Variants in MX2 observed in about 807,000 individuals in gnomAD.
The protein encoded by MX2 is interferon-induced GTP-binding protein Mx2.
In MX2, 51 loss-of-function variants were observed where a neutral mutation model predicts 74.0. The observed-to-expected ratio is 0.69, with a 90% CI of 0.55 to 0.87. The LOEUF is 0.87. Among genes scored for constraint, MX2 ranks in the 40% least tolerant of loss-of-function variants. The pLI, the probability that MX2 is intolerant of heterozygous loss-of-function variation, is 0.00. For missense variants in MX2, 832 were observed against 908.7 expected (o/e 0.92, Z 1.09); for synonymous variants, 369 against 339.3 (o/e 1.09, Z -0.96).
chr21:41,398,821 C>T (rs567576007), intron 8 of MX2, 76 bp from the exon 9 acceptor site: 1 of 1,560,470 alleles, frequency 6.4e-7, no homozygotes, highest in South Asian at 1.2e-5. Context: ...TTAAAGGGCT[C>T]CTACTCATAT....
At chr21:41,407,916 T>A in intron 13 of MX2, 75 bp from the exon 14 acceptor site, 1 of 1,581,742 alleles carries the variant, frequency 6.3e-7, no homozygotes, top group South Asian at 1.2e-5. Flanking sequence ...ATCCAGGAAC[T>A]CCATGCCTTC....
intron 10 of MX2, chr21:41,400,802 G>A (rs2089801675): frequency 6.6e-6 from 1 of 152,236 alleles, no homozygotes; most frequent in Non-Finnish European, 1.5e-5. Context: ...AGCCTCCCAG[G>A]TTCAAGCAAT....
chr21:41,376,980 A>G lies in MX2; in HGVS notation c.74A>G (p.Glu25Gly). ...QFSSRKYLKKEMNSFQQQPPP... is the reference protein window; with the variant it reads ...QFSSRKYLKKGMNSFQQQPPP... ...TCTTCTCGAAAATACCTGAAAAAAG[A>G]AATGAATTCCTTCCAGCAACAGCCA... Residue 25 changes from glutamate to glycine, a missense_variant, in exon 2 of 14, where the codon GAA (glutamate) becomes GGA (glycine). By Grantham distance (98) the Glu-to-Gly change is moderately conservative. Coordinates refer to ENST00000330714, the MANE Select transcript of MX2 (RefSeq NM_002463.2). 1.2e-6 allele frequency: 2 copies of G among 1,614,158 alleles called. No homozygotes were observed. The highest frequency in any genetic ancestry group is 1.7e-6 in the Non-Finnish European group (2 of 1,180,038).
rs2089427718 is a variant in MX2 at position 41,377,842 on chromosome 21, T to C, written c.303T>C (p.Ile101=). ...SQYEQKVRPC[I]DLIDSLRALG... The stretch of plus-strand genomic sequence containing the variant: ...ACGAGCAGAAGGTGCGCCCCTGCAT[T>C]GACCTCATCGACTCCCTGCGGGCTC... Residue 101 remains isoleucine, a synonymous_variant, in exon 3 of 14, where the codon ATT becomes ATC. Coordinates refer to ENST00000330714, the MANE Select transcript of MX2 (RefSeq NM_002463.2). 1.9e-6 allele frequency: 3 copies of C among 1,614,076 alleles called. No individual in the cohort carries two copies. The Admixed American group carries it at 5.0e-5, about 27-fold the overall frequency.
chr21:41,386,769 A>T (rs2089583609), intron 5 of MX2, among the ~76,000 whole-genome samples: 1 of 152,180 alleles, frequency 6.6e-6, no homozygotes, highest in Admixed American at 6.5e-5. Context: ...CTTGTGAAGG[A>T]ACATCCTCCT....
intron 6 of MX2, among the ~76,000 whole-genome samples, chr21:41,391,676 C>G (rs1267110618): frequency 1.3e-5 from 2 of 152,158 alleles, no homozygotes; most frequent in Non-Finnish European, 2.9e-5. Flanking sequence ...ACCACAGCTC[C>G]CAGCCAGCTA....
intron 9 of MX2, 70 bp downstream of exon 9, chr21:41,399,089 T>A (rs1180961197): frequency 3.8e-6 from 6 of 1,595,744 alleles, no homozygotes; most frequent in South Asian, 1.1e-5. Context: ...GCCCTTCCCC[T>A]TCTTCACCCA....
Position 41,380,277 on chromosome 21 carries a change from T to C in MX2, c.577+126T>C. ...GCTCCTAGCCCCATGTGCTCCCACA[T>C]GGGGCTGAACCCATTGCTGTCACCT... On this transcript the variant is annotated intron_variant, in intron 4 of 13. Transcript: ENST00000330714. The surrounding 1 kb of genome is among the most constrained non-coding windows in gnomAD (Gnocchi z 4.3). 6 of 1,336,636 alleles carry C rather than the reference T, an allele frequency of 4.5e-6. No homozygotes were observed. Among genetic ancestry groups the C allele is most frequent in the Non-Finnish European group, 5.1e-6 (5 of 974,636 alleles). 82.8% of individuals were successfully genotyped at this position (1,336,636 alleles called of 1,614,324 possible). A position where few individuals can be genotyped will look rare whatever the true frequency, so the allele number is the denominator to read the frequency against.
intron 6 of MX2, among the ~76,000 whole-genome samples, chr21:41,394,146 T>C (rs927026613): frequency 4.6e-5 from 7 of 152,208 alleles, no homozygotes; most frequent in Admixed American, 4.6e-4. Flanking sequence ...TCCAGACATG[T>C]CAATCGGGTC....
At chr21:41,398,308 TA>T (rs113917775) in intron 8 of MX2, among the ~76,000 whole-genome samples, 70 of 147,206 alleles carry the variant, frequency 4.8e-4, no homozygotes, top group South Asian at 8.6e-4. Flanking sequence ...AAATTCCATC[TA>T]AAAAAAAAAA....
rs749739829 is a variant in MX2, at chr21:41,395,672, G to A, written c.957G>A (p.Lys319=). Residue 319 remains lysine (K), a synonymous_variant, in exon 7 of 14, where the codon AAG becomes AAA. Transcript: ENST00000330714. ...NVVRNLTYPL[K]KGYMIVKCRG... ...TGCGGAACCTCACGTACCCCCTCAA[G>A]AAGGGCTACATGATTGTGAAGTGCC... 4.3e-6 allele frequency: 7 copies of A among 1,614,218 alleles called. No homozygotes were observed. The highest frequency in any genetic ancestry group is 5.9e-6 in the Non-Finnish European group (7 of 1,180,048).
Position 41,402,041 on chromosome 21 carries a change from G to A in MX2, c.1486G>A (p.Val496Ile), listed in dbSNP as rs1362854209. The change falls in exon 11 of 14, where the codon GTC (valine) becomes ATC (isoleucine). Residue 496 changes from valine to isoleucine, a missense_variant. Physicochemically the swap from Val to Ile is conservative, Grantham distance 29. Transcript: ENST00000330714. The surrounding 1 kb of genome is among the most constrained non-coding windows in gnomAD (Gnocchi z 4.5). ...QYRGKELLGF[V>I]NYKTFEIIVH... ...TCGAGGCAAGGAGCTTCTGGGATTTGTCAACTACAAGACATTTGAGATCAT... is the reference window on the plus strand; with the variant it reads ...TCGAGGCAAGGAGCTTCTGGGATTTATCAACTACAAGACATTTGAGATCAT... The A allele has an allele frequency of 2.5e-6, 4 of 1,614,168 alleles. No individual in the cohort carries two copies. The highest frequency in any genetic ancestry group is 3.4e-6 in the Non-Finnish European group (4 of 1,180,032).
chr21:41,392,362 A>G (rs1191932911), intron 6 of MX2, among the ~76,000 whole-genome samples: 1 of 152,252 alleles, frequency 6.6e-6, no homozygotes, highest in Non-Finnish European at 1.5e-5. Flanking sequence ...GAAGCACACA[A>G]CAACATGAGT....
intron 5 of MX2, among the ~76,000 whole-genome samples, chr21:41,387,943 C>T (rs888423395): frequency 6.6e-6 from 1 of 152,136 alleles, no homozygotes; most frequent in Non-Finnish European, 1.5e-5. Context: ...TTTTCTCCTC[C>T]TCTCACACGA....
chr21:41,370,907 C>T (rs116558912), intron 1 of MX2, among the ~76,000 whole-genome samples: 1,706 of 152,150 alleles, frequency 0.011, 23 homozygotes, highest in African/African-American at 0.016. Context: ...GGAATGCTCA[C>T]GATTTGTGTG....
At chr21:41,392,789 G>A (rs761814690) in intron 6 of MX2, among the ~76,000 whole-genome samples, 31 of 152,058 alleles carry the variant, frequency 2.0e-4, no homozygotes, top group African/African-American at 7.0e-4. Context: ...CTTGAGTTAC[G>A]TGTATTTTAC....
At chr21:41,404,873 C>CAAAAAAAAAAAAAAAAAAAAAAAA (rs547207365) in intron 12 of MX2, 2 of 69,102 alleles carry the variant, frequency 2.9e-5, no homozygotes, top group East Asian at 3.5e-4. Context: ...CACATATACT[C>CAAAAAAAAAAAAAAAAAAAAAAAA]AAAAAAAAAA....
chr21:41,369,823 A>ACCCCTGC (rs2089299589), intron 1 of MX2, among the ~76,000 whole-genome samples: 1 of 132,720 alleles, frequency 7.5e-6, no homozygotes, highest in Non-Finnish European at 1.6e-5. Flanking sequence ...TGCCCGCCGC[A>ACCCCTGC]CCCCTGCCCC....
chr21:41,372,522 A>C (rs551149591), intron 1 of MX2, among the ~76,000 whole-genome samples: 1 of 152,122 alleles, frequency 6.6e-6, no homozygotes, highest in East Asian at 1.9e-4. Flanking sequence ...TATAGTATTT[A>C]AAGCTATTTT....
Sources: gnomAD v4.1 joint callset for allele counts (sites outside exome capture counted in the v4.1 genomes callset) on GRCh38, gnomAD v4.1.1 for gene constraint, Gnocchi (gnomAD v3.1) non-coding constraint, MANE v1.5 for transcripts, NCBI Gene and HGNC (gene_info 2026-07-23, HGNC 2026-07-21) for gene names.